The following GPC5 variants were observed in gnomAD, a reference collection of about 807,000 sequenced individuals.
GPC5 encodes the protein glypican-5.
In GPC5, 47 loss-of-function variants were observed where a neutral mutation model predicts 53.9. That is an observed-to-expected ratio of 0.87 (90% CI 0.69 to 1.11). The LOEUF is 1.11. Ranked by LOEUF, GPC5 falls within the 50% of genes most tolerant of loss-of-function variation. GPC5 has a pLI of 0.00. For missense variants in GPC5, 748 were observed against 713.1 expected, an observed-to-expected ratio of 1.05 and a Z score of -0.56; for synonymous variants, 286 against 263.3, an observed-to-expected ratio of 1.09 and a Z score of -0.84.
chr13:91,496,273 C>T (rs944073852), intron 2 of GPC5, among the ~76,000 whole-genome samples: 10 of 152,078 alleles, frequency 6.6e-5, no homozygotes, highest in Admixed American at 2.0e-4. Flanking sequence ...ATTCCCATGG[C>T]TAGGTATATT....
rs549824660 is a variant in GPC5 at position 91,433,103 on chromosome 13, CA to C, written c.164-15655del. Among the ~76,000 whole-genome samples the C allele has an allele frequency of 6.9e-4, 104 of 151,758 alleles. No individual in the cohort carries two copies. In the Middle Eastern group the frequency reaches 0.024, roughly 35 times the overall value. ...GTAATAACAATTAATTACACATAAGCAAATGTTCAGGAAAGCAAAGTAAAAC... is the reference window on the plus strand; with the variant it reads ...GTAATAACAATTAATTACACATAAGCAATGTTCAGGAAAGCAAAGTAAAAC... On this transcript the variant is annotated intron_variant, in intron 1 of 7. Coordinates refer to ENST00000377067, the MANE Select transcript of GPC5 (RefSeq NM_004466.6).
At chr13:92,692,754 A>ATTTTTTTTTTTTTTG (rs1887444075) in intron 7 of GPC5, among the ~76,000 whole-genome samples, 1 of 81,050 alleles carries the variant, frequency 1.2e-5, no homozygotes, top group Non-Finnish European at 2.2e-5. Flanking sequence ...AATATCGGCT[A>ATTTTTTTTTTTTTTG]TTTTTTTTTT....
chr13:92,382,339 C>A (rs1328114955), intron 7 of GPC5, among the ~76,000 whole-genome samples: 4 of 151,882 alleles, frequency 2.6e-5, no homozygotes, highest in African/African-American at 9.7e-5. Context: ...AACCAAATAC[C>A]ACCTGTACCC....
intron 7 of GPC5, among the ~76,000 whole-genome samples, chr13:92,484,936 C>T (rs1000210549): frequency 6.6e-6 from 1 of 151,896 alleles, no homozygotes; most frequent in African/African-American, 2.4e-5. Flanking sequence ...TGGATTTCAC[C>T]GGTTGACCAA....
chr13:91,962,820 G>A (rs1000608998), intron 6 of GPC5, among the ~76,000 whole-genome samples: 2 of 152,120 alleles, frequency 1.3e-5, no homozygotes, highest in African/African-American at 4.8e-5. Flanking sequence ...TATTATATAT[G>A]GTAGAGGTCA....
chr13:92,205,874 C>A (rs573182966), intron 7 of GPC5, among the ~76,000 whole-genome samples: 2 of 151,800 alleles, frequency 1.3e-5, no homozygotes, highest in East Asian at 3.9e-4. Context: ...TGGCGAAAGC[C>A]CCGCTCTACT....
intron 1 of GPC5, among the ~76,000 whole-genome samples, chr13:91,416,957 C>T (rs972741289): frequency 1.3e-5 from 2 of 152,056 alleles, no homozygotes; most frequent in African/African-American, 2.4e-5. Flanking sequence ...TGACTTAGCC[C>T]GCCTTTTACC....
Position 91,693,426 on chromosome 13 carries a change from GA to G in GPC5, c.567del (p.Glu189AspfsTer13). 1 of 1,614,052 alleles carries G rather than the reference GA, an allele frequency of 6.2e-7. No homozygotes were observed. The highest frequency in any genetic ancestry group is 8.5e-7 in the Non-Finnish European group (1 of 1,180,006). On this transcript the variant is annotated frameshift_variant, in exon 3 of 8. Coordinates refer to ENST00000377067, the MANE Select transcript of GPC5 (RefSeq NM_004466.6). LOFTEE classifies it high-confidence loss of function. ...CCCTGGTGTGACTGACAGTTCCCTG[GA>G]ATACTCAGAATGCATCCGGATGGCT... ...INPGVTDSSL[E>X]YSECIRMARR...
intron 2 of GPC5, among the ~76,000 whole-genome samples, chr13:91,650,065 A>G (rs1021701865): frequency 4.6e-5 from 7 of 152,132 alleles, no homozygotes; most frequent in African/African-American, 1.7e-4. Flanking sequence ...AACATGGACA[A>G]GGGGACATAC....
At chr13:91,781,100 G>C (rs895573713) in intron 5 of GPC5, among the ~76,000 whole-genome samples, 19 of 152,192 alleles carry the variant, frequency 1.2e-4, no homozygotes, top group Non-Finnish European at 2.9e-5. Flanking sequence ...TGGCCTACAA[G>C]CTGAGGTGCT....
At chr13:91,441,516 G>A (rs1003071457) in intron 1 of GPC5, among the ~76,000 whole-genome samples, 4 of 152,140 alleles carry the variant, frequency 2.6e-5, no homozygotes, top group South Asian at 2.1e-4. Context: ...TGGCATTTGC[G>A]AATCTTGCAC....
chr13:91,536,227 A>G (rs1300726308), intron 2 of GPC5, among the ~76,000 whole-genome samples: 1 of 152,234 alleles, frequency 6.6e-6, no homozygotes, highest in Admixed American at 6.5e-5. Context: ...AAATGTCACA[A>G]TCAAATTTTT....
At position 92,478,784 on chromosome 13, in the gene GPC5, C is replaced by T. The variant is rs553466743; in HGVS notation, c.1561+333795C>T. Reference sequence around the variant, plus strand: ...CTTGAATTTATAGGAATCTATCCAGCGGCACTTTGTCCAACGTTGGACCTT... The same window carrying T: ...CTTGAATTTATAGGAATCTATCCAGTGGCACTTTGTCCAACGTTGGACCTT... On this transcript the variant is annotated intron_variant, in intron 7 of 7. Coordinates refer to ENST00000377067, the MANE Select transcript of GPC5 (RefSeq NM_004466.6). Among the ~76,000 whole-genome samples the T allele has an allele frequency of 6.6e-5, 10 of 152,252 alleles. No homozygotes were observed. In the East Asian group the frequency reaches 7.7e-4, roughly 12 times the overall value.
intron 7 of GPC5, among the ~76,000 whole-genome samples, chr13:92,808,646 C>T (rs1877187783): frequency 6.6e-6 from 1 of 151,916 alleles, no homozygotes; most frequent in Non-Finnish European, 1.5e-5. Flanking sequence ...AAAATATTTA[C>T]CCTGAGATGT....
At chr13:91,455,703 C>T (rs1388662109) in intron 2 of GPC5, among the ~76,000 whole-genome samples, 1 of 152,094 alleles carries the variant, frequency 6.6e-6, no homozygotes, top group East Asian at 1.9e-4. Flanking sequence ...AGTTTCTGCA[C>T]ATCCCAAGGC....
chr13:92,070,269 C>A (rs185871418), intron 6 of GPC5, among the ~76,000 whole-genome samples: 2 of 152,264 alleles, frequency 1.3e-5, no homozygotes, highest in African/African-American at 2.4e-5. Flanking sequence ...TGGAAGCAGA[C>A]CTTTCCTCAG....
At chr13:92,692,804 G>A (rs1887451299) in intron 7 of GPC5, among the ~76,000 whole-genome samples, 1 of 116,630 alleles carries the variant, frequency 8.6e-6, no homozygotes, top group Non-Finnish European at 1.6e-5. Context: ...ACTCTGACTG[G>A]TGGAGGATAT....
intron 7 of GPC5, among the ~76,000 whole-genome samples, chr13:92,601,153 C>A (rs1261832925): frequency 6.6e-6 from 1 of 151,974 alleles, no homozygotes; most frequent in African/African-American, 2.4e-5. Flanking sequence ...GAAAAATTTC[C>A]AACATGTCTT....
At chr13:92,221,279 C>A (rs1013919860) in intron 7 of GPC5, among the ~76,000 whole-genome samples, 1 of 152,080 alleles carries the variant, frequency 6.6e-6, no homozygotes, top group Non-Finnish European at 1.5e-5. Flanking sequence ...TCAGACTGAG[C>A]GTTTTCTGAA....
Sources: allele counts gnomAD v4.1 joint callset (sites outside exome capture counted in the v4.1 genomes callset), GRCh38; gene constraint gnomAD v4.1.1; transcripts MANE v1.5; gene names NCBI Gene and HGNC (gene_info 2026-07-23, HGNC 2026-07-21).